The following DRAXIN variants were observed in gnomAD, a reference collection of about 807,000 sequenced individuals.
DRAXIN encodes dorsal inhibitory axon guidance protein.
A neutral mutation model predicts 33.9 loss-of-function variants in DRAXIN; 27 were observed. The ratio of observed to expected loss-of-function variants is 0.80; its 90% CI spans 0.59 to 1.10. DRAXIN has a LOEUF of 1.10. Among genes scored for constraint, DRAXIN ranks in the 50% least tolerant of loss-of-function variants. The pLI is 0.00. For synonymous variants in DRAXIN, 178 were observed against 194.0 expected (o/e 0.92, Z 0.69); for missense variants, 371 against 460.8 (o/e 0.81, Z 1.78).
intron 2 of DRAXIN, among the ~76,000 whole-genome samples, chr1:11,708,345 C>T (rs1204994774): frequency 1.3e-5 from 2 of 152,224 alleles, no homozygotes; most frequent in African/African-American, 2.4e-5. Flanking sequence ...GGCGTGGTGG[C>T]TCACACCTGT....
rs956703440 is a variant in DRAXIN at position 11,704,127 on chromosome 1, T to G, written c.-10-2122T>G. ...CTCTCTTGCCCGCACTGTCTGGGTT[T>G]TCTTCCTCATTCCCCTCAACCCCCA... On this transcript the variant is annotated intron_variant, in intron 1 of 6. Coordinates refer to ENST00000294485, the MANE Select transcript of DRAXIN (RefSeq NM_198545.4). The surrounding 1 kb of genome is among the most constrained non-coding windows in gnomAD (Gnocchi z 4.6). Among the ~76,000 whole-genome samples, 7 of 152,184 alleles carry G rather than the reference T, an allele frequency of 4.6e-5. No homozygotes were observed. The highest frequency in any genetic ancestry group is 1.0e-4 in the Non-Finnish European group (7 of 68,034).
intron 6 of DRAXIN, among the ~76,000 whole-genome samples, chr1:11,717,609 C>T (rs1051736307): frequency 4.2e-5 from 6 of 142,030 alleles, no homozygotes; most frequent in African/African-American, 1.6e-4. Flanking sequence ...TTGCAGTGAG[C>T]TGAGATCGTG....
upstream of DRAXIN, among the ~76,000 whole-genome samples, chr1:11,688,502 A>G (rs1334865486): frequency 1.3e-5 from 2 of 152,126 alleles, no homozygotes; most frequent in Non-Finnish European, 1.5e-5. The surrounding 1 kb of genome is among the most constrained non-coding windows in gnomAD (Gnocchi z 4.6). Context: ...CAGAGGTTGC[A>G]GTGAGCCAAG....
rs556068295 is a variant in DRAXIN at position 11,705,301 on chromosome 1, G to A, written c.-10-948G>A. Among the ~76,000 whole-genome samples the A allele has an allele frequency of 3.3e-4, 50 of 152,242 alleles. No individual in the cohort carries two copies. The highest frequency in any genetic ancestry group is 1.1e-3 in the African/African-American group (46 of 41,542). ...GGAGCAGCTGCGGGTGGTGCACGGG[G>A]GCAGGAGGTCTCCAGAGTCTGACAG... On this transcript the variant is annotated intron_variant, in intron 1 of 6. Transcript: ENST00000294485. This position sits in a 1 kb window ranked among gnomAD's most constrained non-coding sequence, Gnocchi z 4.8.
chr1:11,690,225 T>C (rs1641036022), upstream of DRAXIN, among the ~76,000 whole-genome samples: 1 of 152,094 alleles, frequency 6.6e-6, no homozygotes, highest in Non-Finnish European at 1.5e-5. The surrounding 1 kb of genome is among the most constrained non-coding windows in gnomAD (Gnocchi z 4.2). Context: ...TTGTCCATGT[T>C]GTTTACTACT....
intron 1 of DRAXIN, among the ~76,000 whole-genome samples, chr1:11,701,230 G>A (rs1641269354): frequency 6.6e-6 from 1 of 152,202 alleles, no homozygotes; most frequent in Non-Finnish European, 1.5e-5. Context: ...AGGGAGGCAG[G>A]TGGCCCCACG....
chr1:11,709,514 T>C (rs775404191), intron 3 of DRAXIN, 49 bp downstream of exon 3: 25 of 1,561,148 alleles, frequency 1.6e-5, no homozygotes, highest in Admixed American at 5.8e-5. Context: ...CTTGAGCCCA[T>C]GTCATGGAAA....
rs1016125062 is a variant in DRAXIN at position 11,707,520 on chromosome 1, C to A, written c.451+811C>A. ...GTCCCATCCCATCTACCCTCAGTGT[C>A]GTTGCAGAGACTTGGTTAGTGGGGC... On this transcript the variant is annotated intron_variant, in intron 2 of 6. Coordinates refer to ENST00000294485, the MANE Select transcript of DRAXIN (RefSeq NM_198545.4). Among the ~76,000 whole-genome samples the A allele has an allele frequency of 4.6e-5, 7 of 152,170 alleles. No homozygotes were observed. The South Asian group carries it at 1.4e-3, about 32-fold the overall frequency.
chr1:11,698,020 G>T (rs1233075392), intron 1 of DRAXIN, among the ~76,000 whole-genome samples: 1 of 152,004 alleles, frequency 6.6e-6, no homozygotes, highest in East Asian at 1.9e-4. Flanking sequence ...TATGCCACCT[G>T]CACTGCCGGG....
chr1:11,697,056 A>C (rs895039923), intron 1 of DRAXIN, among the ~76,000 whole-genome samples: 11 of 151,990 alleles, frequency 7.2e-5, no homozygotes, highest in African/African-American at 1.2e-4. Flanking sequence ...AAAAAAAAAA[A>C]AAACAACTTT....
Position 11,696,349 on chromosome 1 carries a change from A to G in DRAXIN, c.-11+4496A>G, listed in dbSNP as rs1187415369. On this transcript the variant is annotated intron_variant, in intron 1 of 6. Transcript: ENST00000294485. This position sits in a 1 kb window ranked among gnomAD's most constrained non-coding sequence, Gnocchi z 4.7. ...ACGCCTGTAATCCCAGCACTTTGGG[A>G]GACAGAGGCAGGCGGATCATGAGGT... Among the ~76,000 whole-genome samples the G allele has an allele frequency of 6.6e-6, 1 of 152,180 alleles. No homozygotes were observed. Among genetic ancestry groups the G allele is most frequent in the Non-Finnish European group, 1.5e-5 (1 of 68,038 alleles).
chr1:11,714,708 G>A (rs1405796279), intron 5 of DRAXIN, among the ~76,000 whole-genome samples: 1 of 152,268 alleles, frequency 6.6e-6, no homozygotes, highest in African/African-American at 2.4e-5. Context: ...CGCTCTGGGA[G>A]CCGGCTCCAT....
chr1:11,706,399 A>G lies in DRAXIN; in HGVS notation c.141A>G (p.Pro47=). 3.1e-6 allele frequency: 5 copies of G among 1,613,202 alleles called. No individual in the cohort carries two copies. Among genetic ancestry groups the G allele is most frequent in the Non-Finnish European group, 4.2e-6 (5 of 1,179,878 alleles). ...LPENHIDLPG[P]ALWTPQASHH... is the part of the protein sequence containing the mutation. ...AGAATCACATTGACCTCCCAGGCCC[A>G]GCGCTGTGGACGCCTCAGGCCAGCC... The change falls in exon 2 of 7, where the codon CCA becomes CCG. Residue 47 remains proline, a synonymous_variant. Transcript: ENST00000294485. The surrounding 1 kb of genome is among the most constrained non-coding windows in gnomAD (Gnocchi z 5.5).
At chr1:11,686,807 T>TAAAAAAAAAAAAAAAAAAAAAA (rs560855200), upstream of DRAXIN, among the ~76,000 whole-genome samples, 1 of 104,490 alleles carries the variant, frequency 9.6e-6, no homozygotes, top group Non-Finnish European at 1.9e-5. Context: ...ACTGCCACTT[T>TAAAAAAAAAAAAAAAAAAAAAA]AAAAAAAAAA....
rs200506043 is a variant in DRAXIN, at chr1:11,709,278, G to A, written c.455G>A (p.Arg152Gln). Reference sequence around the variant, plus strand: ...TGCTCCCCACCCTGTGTCTCAGGCCGAGCCTTGGTCCGAGGTCCCAGCTCC... The same window carrying A: ...TGCTCCCCACCCTGTGTCTCAGGCCAAGCCTTGGTCCGAGGTCCCAGCTCC... ...RRDRLRLHQG[R>Q]ALVRGPSSLM... Residue 152 changes from arginine (R) to glutamine (Q), a missense_variant, in exon 3 of 7, where the codon CGA becomes CAA. Physicochemically the swap from Arg to Gln is conservative, Grantham distance 43. Coordinates refer to ENST00000294485, the MANE Select transcript of DRAXIN (RefSeq NM_198545.4). 5.2e-5 allele frequency: 83 copies of A among 1,610,422 alleles called. No individual in the cohort carries two copies. Among genetic ancestry groups the A allele is most frequent in the Non-Finnish European group, 6.5e-5 (76 of 1,178,018 alleles).
At chr1:11,719,518 C>T (rs914665743) in intron 6 of DRAXIN, 66 bp from the exon 7 acceptor site, 57 of 1,387,094 alleles carry the variant, frequency 4.1e-5, no homozygotes, top group Middle Eastern at 4.7e-4. Context: ...CCCGAGCGTG[C>T]AGGGGAAGGA....
In DRAXIN at chr1:11,692,484, C is replaced by T. The variant is rs1053132273; in HGVS notation, c.-11+631C>T. Among the ~76,000 whole-genome samples the T allele has an allele frequency of 1.9e-4, 29 of 152,342 alleles. No individual in the cohort carries two copies. The highest frequency in any genetic ancestry group is 7.0e-4 in the African/African-American group (29 of 41,574). ...AAGGTACTCAGCCTGGCTCCCCCGACGGCGCTGGTCTTTCGCCTGTGGTCT... is the reference window on the plus strand; with the variant it reads ...AAGGTACTCAGCCTGGCTCCCCCGATGGCGCTGGTCTTTCGCCTGTGGTCT... On this transcript the variant is annotated intron_variant, in intron 1 of 6. Transcript: ENST00000294485. The surrounding 1 kb of genome is among the most constrained non-coding windows in gnomAD (Gnocchi z 5.8).
At chr1:11,698,692 T>C (rs889506493) in intron 1 of DRAXIN, among the ~76,000 whole-genome samples, 2 of 152,092 alleles carry the variant, frequency 1.3e-5, no homozygotes, top group African/African-American at 4.8e-5. Context: ...TCATCTCAAC[T>C]AAAACTAAGA....
chr1:11,719,647 T>C lies in DRAXIN; in HGVS notation c.1001T>C (p.Val334Ala). 1.9e-6 allele frequency: 3 copies of C among 1,614,096 alleles called. No homozygotes were observed. Among genetic ancestry groups the C allele is most frequent in the Non-Finnish European group, 2.5e-6 (3 of 1,179,996 alleles). Residue 334 changes from valine (V) to alanine (A), a missense_variant, in exon 7 of 7, where the codon GTG (valine) becomes GCG (alanine). By Grantham distance (64) the Val-to-Ala change is moderately conservative. Transcript: ENST00000294485. ...GTTACACGGAGGAAAGGGCGCTGTG[T>C]GGAGCCCGAGACGGCCAACGGCGAC... ...RRVTRRKGRC[V>A]EPETANGDQG...
Sources: allele counts gnomAD v4.1 joint callset (sites outside exome capture counted in the v4.1 genomes callset), GRCh38; gene constraint gnomAD v4.1.1; non-coding constraint Gnocchi (gnomAD v3.1); transcripts MANE v1.5; gene names NCBI Gene and HGNC (gene_info 2026-07-23, HGNC 2026-07-21).